CEP83: variants seen among roughly 807,000 people sequenced by gnomAD.
CEP83 encodes centrosomal protein of 83 kDa.
A neutral mutation model predicts 101.9 loss-of-function variants in CEP83; 70 were observed. The observed-to-expected ratio is 0.69, with a 90% CI of 0.57 to 0.84. The LOEUF is 0.84. Ranked by LOEUF, CEP83 falls within the 40% of genes least tolerant of loss-of-function variation. The pLI is 0.00. For synonymous variants in CEP83, 264 were observed against 267.9 expected, an observed-to-expected ratio of 0.99 and a Z score of 0.14; for missense variants, 715 against 787.2, an observed-to-expected ratio of 0.91 and a Z score of 1.10.
chr12:94,279,750 T>A, the CEP83 span: 10 of 1,041,792 alleles, frequency 9.6e-6, no homozygotes, highest in African/African-American at 1.6e-5. Context: ...CCAGCTTCCA[T>A]TCAGTGACAC....
At chr12:94,438,229 G>T (rs1169129986) in intron 1 of CEP83, among the ~76,000 whole-genome samples, 1 of 135,142 alleles carries the variant, frequency 7.4e-6, no homozygotes, top group Admixed American at 7.5e-5. Flanking sequence ...TTAAAAAAAA[G>T]AAAAAAAAAA....
chr12:94,318,941 T>C (rs1971156591), intron 14 of CEP83, among the ~76,000 whole-genome samples: 1 of 152,198 alleles, frequency 6.6e-6, no homozygotes, highest in South Asian at 2.1e-4. Context: ...TTGGGAAGGA[T>C]TTCCTGCTCC....
chr12:94,362,999 A>C (rs1029160455), intron 11 of CEP83, among the ~76,000 whole-genome samples: 1 of 152,238 alleles, frequency 6.6e-6, no homozygotes, highest in African/African-American at 2.4e-5. Context: ...ATAGAACTAG[A>C]GAGTAGAATA....
intron 8 of CEP83, among the ~76,000 whole-genome samples, chr12:94,373,589 T>C (rs1198853604): frequency 6.6e-6 from 1 of 152,224 alleles, no homozygotes; most frequent in South Asian, 2.1e-4. Context: ...TTCTTAAAAC[T>C]ACCTTTTATT....
intron 11 of CEP83, among the ~76,000 whole-genome samples, chr12:94,363,947 CAAAAAAA>C (rs376859752): frequency 8.4e-5 from 5 of 59,474 alleles, no homozygotes; most frequent in Non-Finnish European, 1.4e-4. Context: ...GACGCTGTCT[CAAAAAAA>C]AAAAAAAAAA....
the CEP83 span, among the ~76,000 whole-genome samples, chr12:94,293,964 C>G: frequency 0.023 from 3,533 of 152,086 alleles, 119 homozygotes; most frequent in African/African-American, 0.081. Flanking sequence ...CATGAGGGCT[C>G]CAACCTCATG....
chr12:94,372,420 G>C (rs2061347724), intron 8 of CEP83, among the ~76,000 whole-genome samples: 1 of 152,126 alleles, frequency 6.6e-6, no homozygotes, highest in Admixed American at 6.6e-5. Context: ...TGGACAGATA[G>C]AATTTAAATT....
intron 8 of CEP83, among the ~76,000 whole-genome samples, chr12:94,370,237 A>G (rs1399722531): frequency 3.9e-5 from 6 of 152,246 alleles, no homozygotes; most frequent in Non-Finnish European, 7.3e-5. Flanking sequence ...TCCTAACAGA[A>G]CAGAGGCATT....
chr12:94,443,366 T>C (rs546778318), intron 1 of CEP83, among the ~76,000 whole-genome samples: 2 of 152,126 alleles, frequency 1.3e-5, no homozygotes, highest in East Asian at 3.9e-4. Flanking sequence ...AACCCTACAG[T>C]CTGCAAAATC....
chr12:94,439,334 T>G lies in CEP83; in HGVS notation c.-154-4007A>C, dbSNP rs536402845. The stretch of plus-strand genomic sequence containing the variant: ...CCAAACAGCTCAATTAGAAACAAAA[T>G]AGGAGATATCAAAAGTGATACCACA... On this transcript the variant is annotated intron_variant, in intron 1 of 16. Coordinates refer to ENST00000397809, the MANE Select transcript of CEP83 (RefSeq NM_016122.3). 1.1e-4 allele frequency among the ~76,000 whole-genome samples: 17 copies of G among 151,812 alleles called. No individual in the cohort carries two copies. The South Asian group carries it at 3.3e-3, about 30-fold the overall frequency.
chr12:94,282,289 CT>C, the CEP83 span: 7 of 1,602,220 alleles, frequency 4.4e-6, no homozygotes, highest in African/African-American at 1.3e-5. Flanking sequence ...ACAAAATGCT[CT>C]TTTTCAGAGC....
chr12:94,305,872 C>T (rs1185716862), downstream of CEP83: 1 of 152,144 alleles, frequency 6.6e-6, no homozygotes, highest in Non-Finnish European at 1.5e-5. Flanking sequence ...AGTGTTGCAA[C>T]ATTGTTGAAA....
chr12:94,272,506 CAA>C, the CEP83 span: 1 of 152,376 alleles, frequency 6.6e-6, no homozygotes, highest in South Asian at 2.1e-4. Flanking sequence ...GCTGCGAAGC[CAA>C]GAGGCCAGCT....
the CEP83 span, among the ~76,000 whole-genome samples, chr12:94,289,668 T>C: frequency 6.6e-6 from 1 of 152,200 alleles, no homozygotes; most frequent in African/African-American, 2.4e-5. Flanking sequence ...CAAAAAGGCA[T>C]TTCTGTCCTT....
upstream of CEP83, chr12:94,460,334 A>C (rs2068054736): frequency 6.5e-6 from 1 of 152,726 alleles, no homozygotes; most frequent in East Asian, 1.9e-4. Context: ...TGAGAGCCTC[A>C]AATGGTAGTC....
intron 2 of CEP83, among the ~76,000 whole-genome samples, chr12:94,422,004 T>C (rs991496395): frequency 1.3e-5 from 2 of 152,240 alleles, no homozygotes; most frequent in African/African-American, 4.8e-5. Context: ...CCCCCACCTT[T>C]TGGCCTAGAT....
At chr12:94,457,392 G>A (rs533071947) in intron 1 of CEP83, among the ~76,000 whole-genome samples, 1 of 152,282 alleles carries the variant, frequency 6.6e-6, no homozygotes, top group South Asian at 2.1e-4. Context: ...CTACTTTTAG[G>A]CAAAGAGACA....
At chr12:94,374,989 T>C (rs766973393) in intron 8 of CEP83, among the ~76,000 whole-genome samples, 1 of 152,170 alleles carries the variant, frequency 6.6e-6, no homozygotes, top group African/African-American at 2.4e-5. Flanking sequence ...AGAATATAAA[T>C]GTAGATCATG....
chr12:94,394,138 G>A (rs1300174379), intron 6 of CEP83, among the ~76,000 whole-genome samples: 3 of 152,008 alleles, frequency 2.0e-5, no homozygotes, highest in Admixed American at 2.0e-4. Context: ...AGTTCATATG[G>A]AACCAAAAAA....
Sources: gnomAD v4.1 joint callset for allele counts (sites outside exome capture counted in the v4.1 genomes callset) on GRCh38, gnomAD v4.1.1 for gene constraint, MANE v1.5 for transcripts, NCBI Gene and HGNC (gene_info 2026-07-23, HGNC 2026-07-21) for gene names.